Variants in CSMD1 observed in about 807,000 individuals in gnomAD.
CSMD1 encodes the protein CUB and sushi domain-containing protein 1.
Under a neutral mutation model 417.5 loss-of-function variants are expected in CSMD1, and 213 were observed. The observed-to-expected ratio is 0.51, with a 90% CI of 0.46 to 0.57. CSMD1 has a LOEUF of 0.57. CSMD1 is among the 20% of genes least tolerant of loss of function. CSMD1 has a pLI of 0.00. For missense variants in CSMD1, 6,923 were observed against 4,529.7 expected (o/e 1.53, Z -15.17); for synonymous variants, 2,862 against 1,736.8 (o/e 1.65, Z -16.11).
intron 5 of CSMD1, among the ~76,000 whole-genome samples, chr8:3,822,298 G>C (rs1359838099): frequency 5.3e-5 from 8 of 152,038 alleles, no homozygotes; most frequent in South Asian, 2.1e-4. Flanking sequence ...TTGTGTCTAG[G>C]GGGAAGAACA....
chr8:3,529,062 G>A (rs1797871721), intron 10 of CSMD1, among the ~76,000 whole-genome samples: 1 of 152,170 alleles, frequency 6.6e-6, no homozygotes, highest in Non-Finnish European at 1.5e-5. Context: ...AGTACAAGCT[G>A]TAACACAGAC....
intron 5 of CSMD1, among the ~76,000 whole-genome samples, chr8:3,872,228 CGTT>C (rs923923584): frequency 5.9e-5 from 9 of 152,010 alleles, no homozygotes; most frequent in Admixed American, 2.6e-4. Flanking sequence ...TGGTTGTTGT[CGTT>C]GTTGTTGTTT....
chr8:4,864,794 T>C (rs1385771726), intron 1 of CSMD1, among the ~76,000 whole-genome samples: 2 of 151,458 alleles, frequency 1.3e-5, no homozygotes, highest in Non-Finnish European at 3.0e-5. Flanking sequence ...AAGCAGATAA[T>C]TTTTGTATTC....
At chr8:4,598,647 G>T (rs981732491) in intron 2 of CSMD1, among the ~76,000 whole-genome samples, 1 of 152,138 alleles carries the variant, frequency 6.6e-6, no homozygotes, top group African/African-American at 2.4e-5. Context: ...ACTATGCTAG[G>T]AATCTAGACA....
chr8:4,581,175 T>C (rs1437217157), intron 2 of CSMD1, among the ~76,000 whole-genome samples: 1 of 152,226 alleles, frequency 6.6e-6, no homozygotes, highest in Non-Finnish European at 1.5e-5. Flanking sequence ...ATTTCTATTT[T>C]AGAATTTAGT....
At chr8:4,368,518 A>C (rs1416864521) in intron 3 of CSMD1, among the ~76,000 whole-genome samples, 1 of 152,126 alleles carries the variant, frequency 6.6e-6, no homozygotes, top group Admixed American at 6.5e-5. Context: ...CTCTTTCTCA[A>C]ATTTTTGGGA....
At chr8:4,175,986 T>C (rs1798017294) in intron 3 of CSMD1, among the ~76,000 whole-genome samples, 2 of 152,174 alleles carry the variant, frequency 1.3e-5, no homozygotes, top group Non-Finnish European at 2.9e-5. Context: ...TTGTATTCTC[T>C]GTCCTTGAGA....
At chr8:3,290,545 C>T (rs1258892510) in intron 25 of CSMD1, among the ~76,000 whole-genome samples, 2 of 145,652 alleles carry the variant, frequency 1.4e-5, no homozygotes, top group Non-Finnish European at 2.9e-5. Context: ...CTTCACATCC[C>T]TTGTAAGTTG....
chr8:3,421,694 C>A (rs1813497310), intron 12 of CSMD1, among the ~76,000 whole-genome samples: 1 of 152,174 alleles, frequency 6.6e-6, no homozygotes, highest in African/African-American at 2.4e-5. Flanking sequence ...CTGCAGTGCA[C>A]TGCTGTAATC....
chr8:3,103,140 A>C (rs1209141743), intron 46 of CSMD1, among the ~76,000 whole-genome samples: 1 of 152,228 alleles, frequency 6.6e-6, no homozygotes, highest in Non-Finnish European at 1.5e-5. Context: ...TATGTCTTTA[A>C]ATAAATACAC....
chr8:3,509,473 T>A (rs1463006545), intron 10 of CSMD1, among the ~76,000 whole-genome samples: 1 of 152,222 alleles, frequency 6.6e-6, no homozygotes, highest in East Asian at 1.9e-4. Context: ...GCACAAGTCG[T>A]TGAACTATTT....
At chr8:3,133,585 G>A (rs1345762108) in intron 41 of CSMD1, among the ~76,000 whole-genome samples, 1 of 152,182 alleles carries the variant, frequency 6.6e-6, no homozygotes, top group Non-Finnish European at 1.5e-5. Context: ...GTTCTGAGGA[G>A]AAACCTATGG....
At chr8:4,958,360 C>T (rs1302132149) in intron 1 of CSMD1, among the ~76,000 whole-genome samples, 1 of 152,066 alleles carries the variant, frequency 6.6e-6, no homozygotes, top group Non-Finnish European at 1.5e-5. Context: ...CATGGTTGAT[C>T]TTTACCCACC....
At chr8:4,227,270 C>T (rs1051465406) in intron 3 of CSMD1, among the ~76,000 whole-genome samples, 9 of 152,208 alleles carry the variant, frequency 5.9e-5, no homozygotes, top group African/African-American at 1.9e-4. Flanking sequence ...AGCAAGATGG[C>T]GACCACATAT....
At chr8:3,418,169 A>T (rs1427545352) in intron 12 of CSMD1, among the ~76,000 whole-genome samples, 1 of 152,130 alleles carries the variant, frequency 6.6e-6, no homozygotes, top group African/African-American at 2.4e-5. Context: ...GTGTAGTCAA[A>T]AGCTAAGATG....
At chr8:4,245,493 G>C (rs79755584) in intron 3 of CSMD1, among the ~76,000 whole-genome samples, 239 of 152,218 alleles carry the variant, frequency 1.6e-3, no homozygotes, top group African/African-American at 5.4e-3. Flanking sequence ...TCTTCATGAA[G>C]AGCCTAAGGT....
intron 1 of CSMD1, among the ~76,000 whole-genome samples, chr8:4,742,971 G>A (rs916535889): frequency 6.6e-6 from 1 of 152,104 alleles, no homozygotes; most frequent in African/African-American, 2.4e-5. Flanking sequence ...ACAACTAAAG[G>A]AGAAACATGG....
At chr8:4,047,274 TGGGAGGAA>T (rs1223353595) in intron 3 of CSMD1, among the ~76,000 whole-genome samples, 3 of 151,680 alleles carry the variant, frequency 2.0e-5, no homozygotes, top group Admixed American at 6.6e-5. Flanking sequence ...TATTCTGGAG[TGGGAGGAA>T]GGGAGGAAGG....
chr8:3,987,138 C>A (rs193202679), intron 5 of CSMD1, among the ~76,000 whole-genome samples: 2 of 152,282 alleles, frequency 1.3e-5, no homozygotes, highest in South Asian at 2.1e-4. Flanking sequence ...ACACACACAG[C>A]GTCTATCCGA....
Sources: gnomAD v4.1 joint callset for allele counts (sites outside exome capture counted in the v4.1 genomes callset) on GRCh38, gnomAD v4.1.1 for gene constraint, MANE v1.5 for transcripts, NCBI Gene and HGNC (gene_info 2026-07-23, HGNC 2026-07-21) for gene names.